Variants in SYN3 observed in about 807,000 individuals in gnomAD.
SYN3 encodes the protein synapsin III.
A neutral mutation model predicts 65.8 loss-of-function variants in SYN3; 35 were observed. The observed-to-expected ratio is 0.53, with a 90% CI of 0.41 to 0.70. SYN3 has a LOEUF of 0.70. SYN3 is among the 30% of genes least tolerant of loss of function. The probability of loss-of-function intolerance (pLI) is 0.00; values close to 1 mark genes in which losing one functional copy is unlikely to be tolerated. For missense variants in SYN3, 680 were observed against 749.0 expected, an observed-to-expected ratio of 0.91 and a Z score of 1.08; for synonymous variants, 270 against 292.9, an observed-to-expected ratio of 0.92 and a Z score of 0.80.
intron 6 of SYN3, among the ~76,000 whole-genome samples, chr22:32,800,740 T>C (rs2046547274): frequency 6.6e-6 from 1 of 152,166 alleles, no homozygotes; most frequent in African/African-American, 2.4e-5. Context: ...CACTTCCTCT[T>C]GCCTTTCTAC....
At chr22:32,632,657 C>A (rs929114401) in intron 6 of SYN3, among the ~76,000 whole-genome samples, 4 of 152,198 alleles carry the variant, frequency 2.6e-5, no homozygotes, top group Non-Finnish European at 5.9e-5. Flanking sequence ...AGGGGCAGAG[C>A]AAAGGCCCTG....
intron 3 of SYN3, among the ~76,000 whole-genome samples, chr22:32,947,175 T>C (rs1465460113): frequency 1.3e-5 from 2 of 152,228 alleles, no homozygotes; most frequent in Admixed American, 6.5e-5. Flanking sequence ...ACTCTCTTCA[T>C]CTTTCAATTA....
At chr22:32,577,990 C>T (rs1163794700) in intron 7 of SYN3, among the ~76,000 whole-genome samples, 1 of 152,314 alleles carries the variant, frequency 6.6e-6, no homozygotes, top group East Asian at 1.9e-4. Context: ...CATCTGCTTC[C>T]CTCCATAGCA....
At chr22:32,963,506 ATATGGATG>A (rs2051726884) in intron 3 of SYN3, among the ~76,000 whole-genome samples, 1 of 152,166 alleles carries the variant, frequency 6.6e-6, no homozygotes, top group Non-Finnish European at 1.5e-5. Flanking sequence ...AAGCATAAGT[ATATGGATG>A]GATGGATGGA....
intron 1 of SYN3, among the ~76,000 whole-genome samples, chr22:33,056,113 A>G (rs1194773080): frequency 1.3e-5 from 2 of 152,188 alleles, no homozygotes; most frequent in African/African-American, 2.4e-5. Flanking sequence ...TTGGAGTATT[A>G]TTGGACAACT....
chr22:33,028,639 C>CATG (rs1233659693), intron 1 of SYN3, among the ~76,000 whole-genome samples: 15 of 74,796 alleles, frequency 2.0e-4, no homozygotes, highest in Non-Finnish European at 1.6e-4. Flanking sequence ...TAATAAGAAC[C>CATG]ATGATGGTGG....
intron 6 of SYN3, among the ~76,000 whole-genome samples, chr22:32,653,905 T>C (rs9653837): frequency 0.1 from 15,792 of 152,260 alleles, 2,340 homozygotes; most frequent in African/African-American, 0.33. Flanking sequence ...CCTTTTGAAG[T>C]CTGAACTCTG....
intron 7 of SYN3, among the ~76,000 whole-genome samples, chr22:32,569,987 C>T (rs372259460): frequency 6.6e-6 from 1 of 152,192 alleles, no homozygotes; most frequent in African/African-American, 2.4e-5. Context: ...TTTTTCTGGC[C>T]CCGATGGCTT....
intron 6 of SYN3, among the ~76,000 whole-genome samples, chr22:32,794,629 T>C (rs1251910258): frequency 6.6e-6 from 1 of 152,206 alleles, no homozygotes; most frequent in Non-Finnish European, 1.5e-5. Flanking sequence ...ATTTGCTCGA[T>C]ATCTAGAAGA....
chr22:32,808,882 G>A (rs2046836717), intron 6 of SYN3, among the ~76,000 whole-genome samples: 1 of 152,124 alleles, frequency 6.6e-6, no homozygotes, highest in Non-Finnish European at 1.5e-5. Context: ...AAGAACTTAG[G>A]GCTGCGTGCC....
chr22:32,942,611 G>C (rs1016926399), intron 3 of SYN3, among the ~76,000 whole-genome samples: 1 of 152,218 alleles, frequency 6.6e-6, no homozygotes, highest in East Asian at 1.9e-4. Flanking sequence ...ACTTTGACGA[G>C]TTGAGTGAAG....
chr22:32,587,428 C>T (rs543882283), intron 7 of SYN3, among the ~76,000 whole-genome samples: 1 of 152,094 alleles, frequency 6.6e-6, no homozygotes, highest in African/African-American at 2.4e-5. Context: ...TGGGTGGGTG[C>T]CTCTTCTCTG....
chr22:32,996,971 C>T (rs780075338), intron 2 of SYN3, among the ~76,000 whole-genome samples: 7 of 152,188 alleles, frequency 4.6e-5, no homozygotes, highest in African/African-American at 1.2e-4. Context: ...TGCTCTCAGA[C>T]GCTGGGTGTG....
rs117200036 is a variant in SYN3, at chr22:32,538,970, A to T, written c.918-860T>A. ...GGTAGTAGGTGCCCAGTAGGCACCT[A>T]CTGGGTGAGGAACTGTGTACACTGG... On this transcript the variant is annotated intron_variant, in intron 8 of 13. Coordinates refer to ENST00000358763, the MANE Select transcript of SYN3 (RefSeq NM_003490.4). 7.2e-5 allele frequency among the ~76,000 whole-genome samples: 11 copies of T among 152,186 alleles called. No individual in the cohort carries two copies. The East Asian group carries it at 2.1e-3, about 30-fold the overall frequency.
rs11912802 is a variant in SYN3 at position 32,513,264 on chromosome 22, G to A, written c.*428C>T. The A allele has an allele frequency of 0.19, 30,669 of 158,546 alleles. 3,709 individuals are homozygous for A. Among genetic ancestry groups the A allele is most frequent in the South Asian group, 0.33 (1,663 of 5,044 alleles). 9.8% of individuals were successfully genotyped at this position (158,546 alleles called of 1,614,324 possible). On this transcript the variant is annotated 3_prime_UTR_variant, in exon 14 of 14. Coordinates refer to ENST00000358763, the MANE Select transcript of SYN3 (RefSeq NM_003490.4). ...TTAAAAGATTATTGCCTCCTATATT[G>A]CTGAGGTCTGACTACAGTGTCTGCG...
intron 7 of SYN3, among the ~76,000 whole-genome samples, chr22:32,560,573 CG>C (rs2058572564): frequency 6.6e-6 from 1 of 152,068 alleles, no homozygotes; most frequent in Admixed American, 6.6e-5. Flanking sequence ...GCGACATTGA[CG>C]TGTGTGCTTG....
chr22:32,900,694 G>A (rs1004268844), intron 4 of SYN3, among the ~76,000 whole-genome samples: 3 of 152,134 alleles, frequency 2.0e-5, no homozygotes, highest in Non-Finnish European at 4.4e-5. Context: ...TTTCCCAATG[G>A]AATACCTGGC....
At chr22:32,671,050 A>C (rs1373448621) in intron 6 of SYN3, among the ~76,000 whole-genome samples, 2 of 152,224 alleles carry the variant, frequency 1.3e-5, no homozygotes, top group Non-Finnish European at 2.9e-5. Flanking sequence ...GCTATTTGGC[A>C]CATCTCTTTC....
intron 7 of SYN3, among the ~76,000 whole-genome samples, chr22:32,549,147 C>T (rs1260283408): frequency 1.3e-5 from 2 of 152,106 alleles, no homozygotes; most frequent in Non-Finnish European, 2.9e-5. Context: ...CATGGTGCTC[C>T]ATGCACACAA....
Sources: allele counts gnomAD v4.1 joint callset (sites outside exome capture counted in the v4.1 genomes callset), GRCh38; gene constraint gnomAD v4.1.1; transcripts MANE v1.5; gene names NCBI Gene and HGNC (gene_info 2026-07-23, HGNC 2026-07-21).